Variants in FLACC1 observed in about 807,000 individuals in gnomAD.
The protein encoded by FLACC1 is flagellum-associated coiled-coil domain-containing protein 1.
Under a neutral mutation model 62.8 loss-of-function variants are expected in FLACC1, and 66 were observed. The observed-to-expected ratio is 1.05, with a 90% CI of 0.86 to 1.29. The LOEUF is 1.29. FLACC1 is among the 50% of genes most tolerant of loss of function. The pLI, the probability that FLACC1 is intolerant of heterozygous loss-of-function variation, is 0.00. For missense variants in FLACC1, 452 were observed against 489.1 expected, an observed-to-expected ratio of 0.92 and a Z score of 0.71; for synonymous variants, 156 against 161.0, an observed-to-expected ratio of 0.97 and a Z score of 0.24.
rs902262912 is a variant in FLACC1 at position 201,326,849 on chromosome 2, A to T, written c.675+3621T>A. On this transcript the variant is annotated intron_variant, in intron 9 of 14. Transcript: ENST00000392257. This position sits in a 1 kb window ranked among gnomAD's most constrained non-coding sequence, Gnocchi z 4.1. ...TCTAAAATTCATATGGAACCAAAAA[A>T]GAGCCAGAATAGCCAAAGCAATACT... 1.3e-5 allele frequency among the ~76,000 whole-genome samples: 2 copies of T among 152,224 alleles called. No individual in the cohort carries two copies. The highest frequency in any genetic ancestry group is 1.3e-4 in the Admixed American group (2 of 15,278).
intron 12 of FLACC1, among the ~76,000 whole-genome samples, chr2:201,294,335 G>A (rs939717672): frequency 2.6e-5 from 4 of 152,166 alleles, no homozygotes; most frequent in Admixed American, 2.6e-4. Flanking sequence ...GATCAAGTGG[G>A]CTTCATCCCT....
intron 11 of FLACC1, among the ~76,000 whole-genome samples, chr2:201,303,639 T>C (rs1055922227): frequency 3.3e-5 from 5 of 152,158 alleles, no homozygotes; most frequent in Admixed American, 6.6e-5. Flanking sequence ...AAGAGAATTT[T>C]AGACCAATAT....
intron 11 of FLACC1, among the ~76,000 whole-genome samples, chr2:201,299,747 A>T (rs1365761483): frequency 6.6e-6 from 1 of 152,228 alleles, no homozygotes; most frequent in Admixed American, 6.5e-5. Flanking sequence ...AAAGCTAGAT[A>T]ACCTTTGCTA....
At chr2:201,309,764 G>A (rs960400559) in intron 9 of FLACC1, among the ~76,000 whole-genome samples, 7 of 151,430 alleles carry the variant, frequency 4.6e-5, no homozygotes, top group Non-Finnish European at 7.4e-5. Context: ...AAAATTAGCT[G>A]GGCGTGGTGG....
chr2:201,335,985 C>G (rs758630082), intron 7 of FLACC1, among the ~76,000 whole-genome samples: 1 of 152,006 alleles, frequency 6.6e-6, no homozygotes, highest in Non-Finnish European at 1.5e-5. Context: ...TATAGAAATA[C>G]TACTAATTTT....
At chr2:201,351,654 C>T (rs1559423771) in intron 1 of FLACC1, among the ~76,000 whole-genome samples, 1 of 152,134 alleles carries the variant, frequency 6.6e-6, no homozygotes, top group Admixed American at 6.5e-5. Flanking sequence ...TTAAACTTTG[C>T]CATAACTGGC....
rs1444605998 is a variant in FLACC1 at position 201,330,534 on chromosome 2, G to T, written c.623-12C>A. The T allele has an allele frequency of 6.2e-7, 1 of 1,612,364 alleles. No homozygotes were observed. The highest frequency in any genetic ancestry group is 1.1e-5 in the South Asian group (1 of 90,894). Reference sequence around the variant, plus strand: ...TTTTCCCATCTCCTCTGGATAAAAGGAAAACAACAGGATCATCATTAGTCT... The same window carrying T: ...TTTTCCCATCTCCTCTGGATAAAAGTAAAACAACAGGATCATCATTAGTCT... On this transcript the variant is annotated splice_polypyrimidine_tract_variant and intron_variant, in intron 8 of 14. Coordinates refer to ENST00000392257, the MANE Select transcript of FLACC1 (RefSeq NM_001127391.3).
At position 201,344,169 on chromosome 2, in the gene FLACC1, C is replaced by A; in HGVS notation, c.462+1G>T. On this transcript the variant is annotated splice_donor_variant, in intron 6 of 14. Coordinates refer to ENST00000392257, the MANE Select transcript of FLACC1 (RefSeq NM_001127391.3). LOFTEE classifies it high-confidence loss of function. The stretch of plus-strand genomic sequence containing the variant: ...ATGTTAGCTAATGTAAGGTCACTCA[C>A]CAATTTCTGGGCAGACTGGTGGTCT... 1 of 1,606,466 alleles carries A rather than the reference C, an allele frequency of 6.2e-7. No homozygotes were observed. Among genetic ancestry groups the A allele is most frequent in the Non-Finnish European group, 8.5e-7 (1 of 1,174,908 alleles).
chr2:201,325,641 G>T (rs1950487652), intron 9 of FLACC1, among the ~76,000 whole-genome samples: 1 of 152,114 alleles, frequency 6.6e-6, no homozygotes, highest in South Asian at 2.1e-4. Flanking sequence ...ACCCTGAACA[G>T]GTGAATAACA....
At chr2:201,300,572 G>T (rs1481511157) in intron 11 of FLACC1, among the ~76,000 whole-genome samples, 1 of 152,126 alleles carries the variant, frequency 6.6e-6, no homozygotes, top group African/African-American at 2.4e-5. Flanking sequence ...TTTGAAGAGA[G>T]TAGTGGTTCT....
chr2:201,355,690 T>C (rs531729362), intron 1 of FLACC1, among the ~76,000 whole-genome samples: 4 of 152,010 alleles, frequency 2.6e-5, no homozygotes, highest in Non-Finnish European at 5.9e-5. Context: ...CGAGACTCTG[T>C]ATCTACAAAA....
chr2:201,347,524 G>C (rs971294923), intron 4 of FLACC1, among the ~76,000 whole-genome samples: 46 of 151,752 alleles, frequency 3.0e-4, no homozygotes, highest in African/African-American at 1.1e-3. Flanking sequence ...CTTTTCCCTG[G>C]CTCTTTTCCC....
rs760718250 is a variant in FLACC1, at chr2:201,288,679, A to G, written c.1245T>C (p.Gly415=). 6 of 1,613,598 alleles carry G rather than the reference A, an allele frequency of 3.7e-6. No individual in the cohort carries two copies. In the African/African-American group the frequency reaches 6.7e-5, roughly 18 times the overall value. Residue 415 remains glycine (G), a synonymous_variant, in exon 15 of 15, where the codon GGT becomes GGC. Transcript: ENST00000392257. ...TTTATGATTCTTGTCCTTTCTTGCT[A>G]CCATCTTGCACAGTGTCAGAATCAT... ...SKDDSDTVQD[G]SKKGQES
intron 11 of FLACC1, among the ~76,000 whole-genome samples, chr2:201,300,303 C>T (rs181378404): frequency 2.0e-3 from 312 of 152,292 alleles, no homozygotes; most frequent in Middle Eastern, 6.8e-3. Context: ...GAGGGTCCCA[C>T]GCCCACGGAG....
chr2:201,353,516 T>C (rs1054673629), intron 1 of FLACC1, among the ~76,000 whole-genome samples: 8 of 152,216 alleles, frequency 5.3e-5, no homozygotes, highest in Admixed American at 2.0e-4. Context: ...AAATTGAGAC[T>C]TTTCCTTAAT....
intron 11 of FLACC1, among the ~76,000 whole-genome samples, chr2:201,304,499 A>G (rs1174620710): frequency 6.6e-6 from 1 of 152,204 alleles, no homozygotes; most frequent in Non-Finnish European, 1.5e-5. Context: ...GAAAATGGCC[A>G]TACTGCCCAA....
intron 12 of FLACC1, among the ~76,000 whole-genome samples, chr2:201,297,320 T>C (rs1043557435): frequency 1.4e-4 from 21 of 152,088 alleles, no homozygotes; most frequent in African/African-American, 4.3e-4. Context: ...TGTGAACAGA[T>C]GAGCTCACCA....
chr2:201,351,385 A>G lies in FLACC1; in HGVS notation c.20T>C (p.Ile7Thr), dbSNP rs1951025404. The G allele has an allele frequency of 6.2e-7, 1 of 1,613,858 alleles. No individual in the cohort carries two copies. Among genetic ancestry groups the G allele is most frequent in the South Asian group, 1.1e-5 (1 of 91,076 alleles). The change falls in exon 2 of 15, where the codon ATC (isoleucine) becomes ACC (threonine). Residue 7 changes from isoleucine (I) to threonine (T), a missense_variant. Ile to Thr is a moderately conservative substitution (Grantham distance 89, BLOSUM62 -1). Coordinates refer to ENST00000392257, the MANE Select transcript of FLACC1 (RefSeq NM_001127391.3). Reference sequence around the variant, plus strand: ...CCAGGGGTCCCAGCAGGTGCAGTAGATGAGAGGGTTGGGGTACATGGCCAA... The same window carrying G: ...CCAGGGGTCCCAGCAGGTGCAGTAGGTGAGAGGGTTGGGGTACATGGCCAA... MYPNPL[I>T]YCTCWDPWNL...
At chr2:201,339,369 T>C (rs1345044624) in intron 7 of FLACC1, among the ~76,000 whole-genome samples, 8 of 152,094 alleles carry the variant, frequency 5.3e-5, no homozygotes, top group Non-Finnish European at 1.0e-4. Context: ...GAATCTGTTT[T>C]TTTGCTGACC....
Sources: gnomAD v4.1 joint callset for allele counts (sites outside exome capture counted in the v4.1 genomes callset) on GRCh38, gnomAD v4.1.1 for gene constraint, Gnocchi (gnomAD v3.1) non-coding constraint, MANE v1.5 for transcripts, NCBI Gene and HGNC (gene_info 2026-07-23, HGNC 2026-07-21) for gene names.